Variants in FAAH2 observed in about 807,000 individuals in gnomAD.
FAAH2 encodes the protein fatty acid amide hydrolase 2.
A neutral mutation model predicts 36.9 loss-of-function variants in FAAH2; 60 were observed. The observed-to-expected ratio is 1.63, with a 90% CI of 1.32 to 2.02. The LOEUF (loss-of-function observed/expected upper bound fraction) is 2.02. FAAH2 is among the 30% of genes most tolerant of loss of function. The pLI is 0.00. For synonymous variants in FAAH2, 214 were observed against 143.8 expected, an observed-to-expected ratio of 1.49 and a Z score of -3.49; for missense variants, 689 against 397.5, an observed-to-expected ratio of 1.73 and a Z score of -6.23.
chrX:57,232,175 G>A, the FAAH2 span, among the ~76,000 whole-genome samples: 1 of 112,098 alleles, frequency 8.9e-6, no homozygotes, highest in Non-Finnish European at 1.9e-5. Flanking sequence ...AAGACTGACA[G>A]TCTGAATCAC....
At chrX:57,390,743 T>G (rs1392855508) in intron 7 of FAAH2, among the ~76,000 whole-genome samples, 1 of 111,824 alleles carries the variant, frequency 8.9e-6, no homozygotes, top group African/African-American at 3.2e-5. Context: ...AACTTAGGTT[T>G]ATTCCATGAC....
At chrX:57,185,489 TG>T in the FAAH2 span, among the ~76,000 whole-genome samples, 1 of 60,559 alleles carries the variant, frequency 1.7e-5, no homozygotes, top group East Asian at 4.4e-4. Context: ...TCTCTGTCTC[TG>T]TGTGTGTGTG....
chrX:57,210,149 C>T, the FAAH2 span, among the ~76,000 whole-genome samples: 1 of 110,790 alleles, frequency 9.0e-6, no homozygotes, highest in Admixed American at 9.6e-5. Context: ...TCACCTGATT[C>T]TTGGTTCTTA....
Position 57,380,959 on chromosome X carries a change from G to A in FAAH2, c.926G>A (p.Trp309Ter), listed in dbSNP as rs1351914209. The A allele has an allele frequency of 2.5e-6, 3 of 1,200,307 alleles. No homozygotes were observed. The South Asian group carries it at 5.6e-5, about 22-fold the overall frequency. ...CATTTAAAAGACTTAAAATTTTACT[G>A]GATGGAACATGATGGAGGCTCATTT... ...KVHLKDLKFY[W>*]MEHDGGSFLM... is the part of the protein sequence containing the mutation. Residue 309 changes from tryptophan (W) to a stop codon, truncating the protein, a stop_gained, in exon 7 of 11, where the codon TGG becomes TAG. Coordinates refer to ENST00000374900, the MANE Select transcript of FAAH2 (RefSeq NM_174912.4). LOFTEE classifies it high-confidence loss of function.
intron 5 of FAAH2, among the ~76,000 whole-genome samples, chrX:57,346,177 G>T (rs751861315): frequency 1.8e-5 from 2 of 110,935 alleles, no homozygotes; most frequent in African/African-American, 6.5e-5. Context: ...TTCATTTATT[G>T]GTTAGTTTTC....
the FAAH2 span, among the ~76,000 whole-genome samples, chrX:57,265,132 C>A: frequency 9.0e-6 from 1 of 111,312 alleles, no homozygotes; most frequent in Non-Finnish European, 1.9e-5. Flanking sequence ...CCCTTGTGAA[C>A]CCACTCCACG....
intron 7 of FAAH2, among the ~76,000 whole-genome samples, chrX:57,382,080 G>A (rs2054866930): frequency 9.0e-6 from 1 of 111,384 alleles, no homozygotes; most frequent in Non-Finnish European, 1.9e-5. Flanking sequence ...TCACTACTGG[G>A]TACATAACGA....
chrX:57,254,956 A>G, the FAAH2 span, among the ~76,000 whole-genome samples: 1 of 111,658 alleles, frequency 9.0e-6, no homozygotes, highest in African/African-American at 3.2e-5. Flanking sequence ...ACACAAAAAA[A>G]CCCTGAAAAA....
At chrX:57,419,832 T>A (rs1246398871) in intron 7 of FAAH2, among the ~76,000 whole-genome samples, 5 of 112,034 alleles carry the variant, frequency 4.5e-5, no homozygotes, top group Non-Finnish European at 7.5e-5. Context: ...GGTTTTCTTC[T>A]AGGGTTTTTA....
chrX:57,340,168 G>A (rs1242942149), intron 4 of FAAH2, among the ~76,000 whole-genome samples: 1 of 111,665 alleles, frequency 9.0e-6, no homozygotes, highest in Admixed American at 9.5e-5. Flanking sequence ...TGAAGAACTT[G>A]GGGTCCGATG....
the FAAH2 span, among the ~76,000 whole-genome samples, chrX:57,140,301 C>T: frequency 3.7e-5 from 4 of 108,275 alleles, no homozygotes; most frequent in South Asian, 1.6e-3. Context: ...TAACTTCTTC[C>T]TTCCCAATTT....
At chrX:57,393,928 G>A (rs2055228749) in intron 7 of FAAH2, 5 of 945,069 alleles carry the variant, frequency 5.3e-6, no homozygotes, top group Non-Finnish European at 7.6e-6. Context: ...GTGTGGTAGA[G>A]TCAGTCTTGT....
the FAAH2 span, among the ~76,000 whole-genome samples, chrX:57,281,134 A>G: frequency 8.9e-6 from 1 of 111,810 alleles, no homozygotes; most frequent in Non-Finnish European, 1.9e-5. Context: ...AAAATGTTCT[A>G]TATTAACTAC....
At chrX:57,456,884 T>C (rs757268164) in intron 10 of FAAH2, among the ~76,000 whole-genome samples, 2 of 111,632 alleles carry the variant, frequency 1.8e-5, no homozygotes, top group South Asian at 7.5e-4. Context: ...CTGATACCAA[T>C]CCTACTCACA....
chrX:57,195,661 T>A, the FAAH2 span, among the ~76,000 whole-genome samples: 1 of 112,388 alleles, frequency 8.9e-6, no homozygotes, highest in East Asian at 2.8e-4. Flanking sequence ...GGATTCTTGA[T>A]CATAAAGTCT....
chrX:57,210,222 G>A, the FAAH2 span, among the ~76,000 whole-genome samples: 3 of 111,408 alleles, frequency 2.7e-5, no homozygotes, highest in Non-Finnish European at 5.6e-5. Flanking sequence ...GAAAATCTGT[G>A]TAGACTTCTA....
intron 7 of FAAH2, among the ~76,000 whole-genome samples, chrX:57,420,280 G>A (rs1229768997): frequency 1.8e-5 from 2 of 111,449 alleles, no homozygotes; most frequent in African/African-American, 6.5e-5. Flanking sequence ...GCTTGATGGG[G>A]ATGGCATCGA....
At chrX:57,315,511 T>A (rs756502535) in intron 3 of FAAH2, among the ~76,000 whole-genome samples, 7 of 111,115 alleles carry the variant, frequency 6.3e-5, no homozygotes, top group African/African-American at 2.3e-4. Flanking sequence ...AAATCCTCAA[T>A]AAAATTCTAG....
chrX:57,184,503 T>C, the FAAH2 span, among the ~76,000 whole-genome samples: 1 of 112,333 alleles, frequency 8.9e-6, no homozygotes, highest in Non-Finnish European at 1.9e-5. Context: ...AGAACCTACG[T>C]TGAAATATTG....
Sources: gnomAD v4.1 joint callset for allele counts (sites outside exome capture counted in the v4.1 genomes callset) on GRCh38, gnomAD v4.1.1 for gene constraint, MANE v1.5 for transcripts, NCBI Gene and HGNC (gene_info 2026-07-23, HGNC 2026-07-21) for gene names.